The following FAM117A variants were observed in gnomAD, a reference collection of about 807,000 sequenced individuals.
The protein encoded by FAM117A is protein FAM117A.
In FAM117A, 21 loss-of-function variants were observed where a neutral mutation model predicts 44.1. That is an observed-to-expected ratio of 0.48 (90% confidence interval 0.34 to 0.69). FAM117A has a LOEUF of 0.69. Among genes scored for constraint, FAM117A ranks in the 30% least tolerant of loss-of-function variants. The probability of loss-of-function intolerance (pLI) is 0.01; values close to 1 mark genes in which losing one functional copy is unlikely to be tolerated. For synonymous variants in FAM117A, 220 were observed against 238.3 expected, an observed-to-expected ratio of 0.92 and a Z score of 0.71; for missense variants, 498 against 589.9, an observed-to-expected ratio of 0.84 and a Z score of 1.61.
chr17:49,737,370 AG>A, intron 1 of FAM117A, among the ~76,000 whole-genome samples: 1 of 152,246 alleles, frequency 6.6e-6, no homozygotes, highest in East Asian at 1.9e-4. Flanking sequence ...ATTAGAGTCC[AG>A]TGACGAGGCA....
chr17:49,731,942 C>T (rs1486023866), intron 2 of FAM117A, among the ~76,000 whole-genome samples: 1 of 152,110 alleles, frequency 6.6e-6, no homozygotes, highest in Non-Finnish European at 1.5e-5. Flanking sequence ...CCCACCACCA[C>T]GCCCAGCTAA....
intron 3 of FAM117A, among the ~76,000 whole-genome samples, chr17:49,720,802 C>G (rs1295269241): frequency 6.6e-6 from 1 of 152,014 alleles, no homozygotes; most frequent in Non-Finnish European, 1.5e-5. Flanking sequence ...TCACTGCAAC[C>G]TCCACCAGGT....
chr17:49,777,641 T>A (rs1228991652), intron 1 of FAM117A, among the ~76,000 whole-genome samples: 4 of 152,114 alleles, frequency 2.6e-5, no homozygotes, highest in Admixed American at 2.6e-4. Context: ...GAAAAACTAT[T>A]TGAAATGTCC....
At chr17:49,721,926 T>TA (rs55897746) in intron 3 of FAM117A, among the ~76,000 whole-genome samples, 11,231 of 140,196 alleles carry the variant, frequency 0.08, 489 homozygotes, top group African/African-American at 0.093. Flanking sequence ...CCATCTCTAC[T>TA]AAAAAAAAAA....
chr17:49,764,829 T>C (rs2073740208), upstream of FAM117A, among the ~76,000 whole-genome samples: 1 of 152,226 alleles, frequency 6.6e-6, no homozygotes, highest in South Asian at 2.1e-4. Context: ...AAGTCCCTAC[T>C]TGGTGTTGAT....
intron 3 of FAM117A, among the ~76,000 whole-genome samples, chr17:49,721,139 A>G (rs1361718090): frequency 6.6e-6 from 1 of 152,182 alleles, no homozygotes; most frequent in Non-Finnish European, 1.5e-5. Context: ...TGTTTAAAGT[A>G]GACTACACTA....
intron 1 of FAM117A, among the ~76,000 whole-genome samples, chr17:49,759,754 A>ACAATT (rs2073715635): frequency 6.6e-6 from 1 of 152,220 alleles, no homozygotes; most frequent in Non-Finnish European, 1.5e-5. Flanking sequence ...AAGGAGTTTA[A>ACAATT]CAATTTAATA....
chr17:49,745,769 A>C (rs1290300154), intron 1 of FAM117A, among the ~76,000 whole-genome samples: 1 of 152,230 alleles, frequency 6.6e-6, no homozygotes, highest in Non-Finnish European at 1.5e-5. Flanking sequence ...GTCTCAAAAA[A>C]CAAATACAGC....
chr17:49,758,189 G>A (rs2073706291), intron 1 of FAM117A, among the ~76,000 whole-genome samples: 1 of 151,808 alleles, frequency 6.6e-6, no homozygotes, highest in African/African-American at 2.4e-5. Context: ...AAAATTAGCT[G>A]GGCATGGTGG....
intron 1 of FAM117A, among the ~76,000 whole-genome samples, chr17:49,782,161 G>A (rs1259746174): frequency 6.6e-6 from 1 of 151,686 alleles, no homozygotes; most frequent in African/African-American, 2.4e-5. Context: ...GGATCACGAG[G>A]TCAGGAGATC....
At chr17:49,747,672 C>G (rs933770277) in intron 1 of FAM117A, among the ~76,000 whole-genome samples, 1 of 152,158 alleles carries the variant, frequency 6.6e-6, no homozygotes, top group Non-Finnish European at 1.5e-5. Flanking sequence ...CTACTTCATG[C>G]CCCCAGCTTC....
intron 1 of FAM117A, among the ~76,000 whole-genome samples, chr17:49,734,016 G>A (rs979045648): frequency 4.6e-5 from 7 of 151,752 alleles, no homozygotes; most frequent in East Asian, 1.9e-4. Flanking sequence ...GGTGGCAGGC[G>A]CCTGTAGTCC....
chr17:49,773,028 G>A (rs190788989), intron 1 of FAM117A, among the ~76,000 whole-genome samples: 7 of 150,572 alleles, frequency 4.6e-5, no homozygotes, highest in Non-Finnish European at 8.9e-5. Flanking sequence ...AAAATTGGCC[G>A]GGCGTGGTGG....
intron 1 of FAM117A, among the ~76,000 whole-genome samples, chr17:49,748,321 C>T (rs1030528815): frequency 5.3e-5 from 8 of 152,226 alleles, no homozygotes; most frequent in Admixed American, 5.2e-4. Context: ...ATGGTCCTCT[C>T]TGAGCAGACA....
chr17:49,769,465 G>A (rs1050877189), intron 1 of FAM117A, among the ~76,000 whole-genome samples: 3 of 151,896 alleles, frequency 2.0e-5, no homozygotes, highest in African/African-American at 7.3e-5. Context: ...TTGGGAGGCC[G>A]AAGCAGGTGG....
At chr17:49,726,645 C>G (rs964206760) in intron 2 of FAM117A, among the ~76,000 whole-genome samples, 1 of 152,142 alleles carries the variant, frequency 6.6e-6, no homozygotes, top group African/African-American at 2.4e-5. Flanking sequence ...TCTTCTGAGT[C>G]TCACCATGTA....
At chr17:49,727,722 A>C (rs1170530269) in intron 2 of FAM117A, among the ~76,000 whole-genome samples, 1 of 152,176 alleles carries the variant, frequency 6.6e-6, no homozygotes, top group Non-Finnish European at 1.5e-5. Context: ...AAACCCTCCA[A>C]ACTGGAATCT....
chr17:49,786,818 T>TG (rs1473032564), intron 1 of FAM117A, among the ~76,000 whole-genome samples: 1 of 135,790 alleles, frequency 7.4e-6, no homozygotes, highest in African/African-American at 2.8e-5. Context: ...TGGCTGGGAG[T>TG]GGTGGCTCAC....
upstream of FAM117A, among the ~76,000 whole-genome samples, chr17:49,769,112 A>G (rs755102513): frequency 6.6e-6 from 1 of 152,076 alleles, no homozygotes; most frequent in Non-Finnish European, 1.5e-5. Flanking sequence ...CCTGGCCAAC[A>G]TGGTGAAACC....
Sources: allele counts gnomAD v4.1 joint callset (sites outside exome capture counted in the v4.1 genomes callset), GRCh38; gene constraint gnomAD v4.1.1; transcripts MANE v1.5; gene names NCBI Gene and HGNC (gene_info 2026-07-23, HGNC 2026-07-21).